C19orf81: variants seen among roughly 807,000 people sequenced by gnomAD.
C19orf81 encodes the protein chromosome 19 open reading frame 81, also known as putative uncharacterized protein C19orf81.
In C19orf81, 19 loss-of-function variants were observed where a neutral mutation model predicts 22.1. The observed-to-expected ratio is 0.86, with a 90% CI of 0.60 to 1.26. C19orf81 has a LOEUF of 1.26. Among genes scored for constraint, C19orf81 ranks in the 50% most tolerant of loss-of-function variants. The pLI, the probability that C19orf81 is intolerant of heterozygous loss-of-function variation, is 0.00. For synonymous variants in C19orf81, 108 were observed against 113.1 expected, an observed-to-expected ratio of 0.95 and a Z score of 0.29; for missense variants, 287 against 280.7, an observed-to-expected ratio of 1.02 and a Z score of -0.16.
At chr19:50,651,266 T>C (rs952687730) in intron 1 of C19orf81, among the ~76,000 whole-genome samples, 1 of 152,192 alleles carries the variant, frequency 6.6e-6, no homozygotes, top group African/African-American at 2.4e-5. Flanking sequence ...CAGGTGACTC[T>C]CTTCTCTTTT....
Position 50,656,312 on chromosome 19 carries a change from C to G in C19orf81, c.227C>G (p.Ala76Gly). The G allele has an allele frequency of 1.3e-6, 2 of 1,536,224 alleles. No homozygotes were observed. Among genetic ancestry groups the G allele is most frequent in the African/African-American group, 1.4e-5 (1 of 73,172 alleles). The change falls in exon 3 of 5, where the codon GCT becomes GGT. Residue 76 changes from alanine to glycine, a missense_variant. Physicochemically the swap from Ala to Gly is moderately conservative, Grantham distance 60. Coordinates refer to ENST00000425202, the MANE Select transcript of C19orf81 (RefSeq NM_001195076.2). ...PCIRKFPTPP[A>G]SQPLCLCMET... ...ATCCGGAAGTTCCCCACACCACCAGCTTCCCAGCCCCTCTGCCTCTGCATG... is the reference window on the plus strand; with the variant it reads ...ATCCGGAAGTTCCCCACACCACCAGGTTCCCAGCCCCTCTGCCTCTGCATG...
At chr19:50,658,528 T>C (rs527915265) in intron 4 of C19orf81, 1 of 258,986 alleles carries the variant, frequency 3.9e-6, no homozygotes, top group African/African-American at 2.2e-5. Context: ...GGGCCCGAGT[T>C]TGAGTGACCC....
intron 1 of C19orf81, among the ~76,000 whole-genome samples, chr19:50,652,974 G>C (rs7257025): frequency 6.6e-6 from 1 of 151,970 alleles, no homozygotes; most frequent in African/African-American, 2.4e-5. Flanking sequence ...GTTTCATCAT[G>C]TGTTAAACAA....
At chr19:50,649,823 C>A (rs539202911) in intron 1 of C19orf81, 7 of 512,136 alleles carry the variant, frequency 1.4e-5, no homozygotes, top group African/African-American at 9.6e-5. Flanking sequence ...TGTCTCCCAC[C>A]CTGAGCTCAG....
intron 3 of C19orf81, 140 bp from the exon 4 acceptor site, chr19:50,657,849 G>A (rs1985029948): frequency 2.7e-6 from 3 of 1,116,654 alleles, no homozygotes; most frequent in East Asian, 2.7e-5. Flanking sequence ...CAGTACCCTG[G>A]GATTAAGAGC....
chr19:50,652,769 A>C (rs1984903958), intron 1 of C19orf81, among the ~76,000 whole-genome samples: 1 of 152,166 alleles, frequency 6.6e-6, no homozygotes, highest in South Asian at 2.1e-4. Context: ...TCAGGTCTAC[A>C]TGTCAAAATC....
At chr19:50,655,625 G>T (rs1255151272) in intron 1 of C19orf81, among the ~76,000 whole-genome samples, 2 of 151,692 alleles carry the variant, frequency 1.3e-5, no homozygotes, top group Non-Finnish European at 2.9e-5. Context: ...CTCCAGCCTG[G>T]GCGACAGAAC....
rs1296868540 is a variant in C19orf81, at chr19:50,656,077, C to CAGAGG, written c.99_103dup (p.Met35ArgfsTer82). The CAGAGG allele has an allele frequency of 6.5e-7, 1 of 1,536,148 alleles. No individual in the cohort carries two copies. Among genetic ancestry groups the CAGAGG allele is most frequent in the South Asian group, 1.2e-5 (1 of 84,062 alleles). ...GCCCTCCTTATGGACCTGGAGACCC[C>CAGAGG]AGAGGAGATGCAGGCTCGGAGCCTG... On this transcript the variant is annotated frameshift_variant, in exon 2 of 5. Coordinates refer to ENST00000425202, the MANE Select transcript of C19orf81 (RefSeq NM_001195076.2). LOFTEE classifies it high-confidence loss of function.
At position 50,659,043 on chromosome 19, in the gene C19orf81, C is replaced by G; in HGVS notation, c.498C>G (p.Asp166Glu). ...TTGCGCACCAGATCGTGCGCCACGA[C>G]GACCTCCTGCTGGGCGACTACCGCC... is the stretch of plus-strand genomic sequence containing the variant. ...RGLAHQIVRH[D>E]DLLLGDYRLH... Residue 166 changes from aspartate (D) to glutamate (E), a missense_variant, in exon 5 of 5, where the codon GAC becomes GAG. By Grantham distance (45) the Asp-to-Glu change is conservative. Coordinates refer to ENST00000425202, the MANE Select transcript of C19orf81 (RefSeq NM_001195076.2). 1 of 1,529,260 alleles carries G rather than the reference C, an allele frequency of 6.5e-7. No homozygotes were observed. The highest frequency in any genetic ancestry group is 1.2e-5 in the South Asian group (1 of 83,020). 94.7% of individuals were successfully genotyped at this position (1,529,260 alleles called of 1,614,324 possible).
chr19:50,659,165 G>A lies in C19orf81; in HGVS notation c.*23G>A, dbSNP rs892357241. ...TGACGCCCGGGCGGGCCCCGGCAGCGCTTGCGCACCGCCCCGCGGGCTGGG... is the reference window on the plus strand; with the variant it reads ...TGACGCCCGGGCGGGCCCCGGCAGCACTTGCGCACCGCCCCGCGGGCTGGG... On this transcript the variant is annotated 3_prime_UTR_variant, in exon 5 of 5. Transcript: ENST00000425202. 5.4e-6 allele frequency: 7 copies of A among 1,291,640 alleles called. No homozygotes were observed. The highest frequency in any genetic ancestry group is 2.0e-6 in the Non-Finnish European group (2 of 1,020,818). The allele number at this position is 1,291,640 out of a possible 1,614,324, so 80.0% of individuals were successfully genotyped here. A position where few individuals can be genotyped will look rare whatever the true frequency, so the allele number is the denominator to read the frequency against.
chr19:50,658,512 G>A (rs1568422272), intron 4 of C19orf81: 2 of 265,548 alleles, frequency 7.5e-6, no homozygotes, highest in Non-Finnish European at 7.2e-6. Flanking sequence ...GATCTCGAGT[G>A]AGTAGGGGCC....
intron 1 of C19orf81, among the ~76,000 whole-genome samples, chr19:50,653,574 G>A (rs1441518869): frequency 4.0e-5 from 6 of 151,730 alleles, no homozygotes; most frequent in African/African-American, 1.2e-4. Context: ...TCTACCGCAC[G>A]TGTGTGTGTG....
intron 3 of C19orf81, among the ~76,000 whole-genome samples, chr19:50,657,640 C>T (rs1027449202): frequency 1.3e-5 from 2 of 152,166 alleles, no homozygotes; most frequent in Non-Finnish European, 2.9e-5. Context: ...AACTTTCAGG[C>T]GCATCCATTG....
intron 1 of C19orf81, 54 bp downstream of exon 1, chr19:50,649,565 C>T (rs374788302): frequency 1.3e-6 from 2 of 1,513,244 alleles, no homozygotes; most frequent in African/African-American, 1.4e-5. Context: ...CCAGGCAGTG[C>T]GTAGTAGCCC....
intron 4 of C19orf81, chr19:50,658,706 C>T: frequency 2.5e-6 from 1 of 396,578 alleles, no homozygotes; most frequent in South Asian, 1.0e-4. Flanking sequence ...GGCCTTTGGG[C>T]GGTTTGAGAT....
chr19:50,656,713 A>G (rs1050153961), intron 3 of C19orf81, among the ~76,000 whole-genome samples: 2 of 152,270 alleles, frequency 1.3e-5, no homozygotes, highest in Middle Eastern at 3.4e-3. Context: ...GCACTTTGGG[A>G]GGCTGAGGTG....
chr19:50,658,643 A>G, intron 4 of C19orf81: 1 of 331,066 alleles, frequency 3.0e-6, no homozygotes, highest in Non-Finnish European at 5.5e-6. Flanking sequence ...GGGTGGGGAC[A>G]GGCCTGGAGT....
At position 50,658,947 on chromosome 19, in the gene C19orf81, G is replaced by A. The variant is rs1255431415; in HGVS notation, c.402G>A (p.Arg134=). ...VICGTAGRRN[R]WLIAVTDFQT... ...TTTTCCGTCCCCACCCCCCTTACAG[G>A]TGGCTCATCGCGGTCACGGACTTCC... is the stretch of plus-strand genomic sequence containing the variant. Residue 134 remains arginine (R), a splice_region_variant and synonymous_variant, in exon 5 of 5, where the codon CGG becomes CGA. Transcript: ENST00000425202. 1.3e-6 allele frequency: 2 copies of A among 1,481,702 alleles called. No individual in the cohort carries two copies. The highest frequency in any genetic ancestry group is 1.8e-6 in the Non-Finnish European group (2 of 1,113,700). 91.8% of individuals were successfully genotyped at this position (1,481,702 alleles called of 1,614,324 possible). A position where few individuals can be genotyped will look rare whatever the true frequency, so the allele number is the denominator to read the frequency against.
chr19:50,658,030 G>A lies in C19orf81; in HGVS notation c.303G>A (p.Leu101=). ...DFTHLEVLQA[L]EAQLPGAMES... is the part of the protein sequence containing the mutation. Reference sequence around the variant, plus strand: ...CCCACCTGGAGGTGCTGCAAGCCCTGGAGGCCCAGTTACCAGGGGCCATGG... The same window carrying A: ...CCCACCTGGAGGTGCTGCAAGCCCTAGAGGCCCAGTTACCAGGGGCCATGG... Residue 101 remains leucine, a synonymous_variant, in exon 4 of 5, where the codon CTG becomes CTA. Coordinates refer to ENST00000425202, the MANE Select transcript of C19orf81 (RefSeq NM_001195076.2). 6.5e-7 allele frequency: 1 copy of A among 1,535,884 alleles called. No homozygotes were observed. Among genetic ancestry groups the A allele is most frequent in the Non-Finnish European group, 8.7e-7 (1 of 1,146,804 alleles).
Sources: gnomAD v4.1 joint callset for allele counts (sites outside exome capture counted in the v4.1 genomes callset) on GRCh38, gnomAD v4.1.1 for gene constraint, MANE v1.5 for transcripts, NCBI Gene and HGNC (gene_info 2026-07-23, HGNC 2026-07-21) for gene names.